Variants in PSMD13 observed in about 807,000 individuals in gnomAD.
The protein encoded by PSMD13 is proteasome 26S subunit, non-ATPase 13.
A neutral mutation model predicts 57.4 loss-of-function variants in PSMD13; 8 were observed. That is an observed-to-expected ratio of 0.14 (90% CI 0.08 to 0.25). The LOEUF (loss-of-function observed/expected upper bound fraction) is 0.25, where lower values mean the gene tolerates loss of function less well. Among genes scored for constraint, PSMD13 ranks in the 10% least tolerant of loss-of-function variants. PSMD13 has a pLI of 1.00. For synonymous variants in PSMD13, 193 were observed against 168.2 expected (o/e 1.15, Z -1.14); for missense variants, 400 against 461.5 (o/e 0.87, Z 1.22).
chr11:248,908 A>G, intron 8 of PSMD13, 24 bp from the exon 9 acceptor site: 1 of 1,614,134 alleles, frequency 6.2e-7, no homozygotes, highest in East Asian at 2.2e-5. Context: ...AAGTGTTACT[A>G]GCTGACCATC....
chr11:238,544 G>A (rs939146642), intron 1 of PSMD13, among the ~76,000 whole-genome samples: 1 of 152,158 alleles, frequency 6.6e-6, no homozygotes, highest in Non-Finnish European at 1.5e-5. Context: ...AGTGGCTCAT[G>A]CCTGTAATCC....
intron 1 of PSMD13, 87 bp downstream of exon 1, chr11:237,231 C>A: frequency 7.7e-7 from 1 of 1,302,146 alleles, no homozygotes; most frequent in Non-Finnish European, 1.1e-6. Context: ...CCTTGATGGG[C>A]TGAGGGCGCC....
chr11:241,717 A>G (rs1484240995), intron 2 of PSMD13, among the ~76,000 whole-genome samples: 2 of 152,004 alleles, frequency 1.3e-5, no homozygotes, highest in African/African-American at 4.8e-5. Flanking sequence ...TCTCTCTCAA[A>G]TTATTCATCC....
chr11:245,720 GTGTGTT>G (rs1859634115), intron 6 of PSMD13, among the ~76,000 whole-genome samples: 6 of 108,352 alleles, frequency 5.5e-5, no homozygotes, highest in South Asian at 4.7e-4. Flanking sequence ...GTTTGTGTGT[GTGTGTT>G]TGTGTGTGTG....
chr11:242,167 CTG>C (rs146229823), intron 2 of PSMD13, among the ~76,000 whole-genome samples: 4,924 of 150,184 alleles, frequency 0.033, 121 homozygotes, highest in Non-Finnish European at 0.053. Flanking sequence ...CTTAAACTCA[CTG>C]TATTGTCATT....
At position 244,316 on chromosome 11, in the gene PSMD13, G is replaced by A; in HGVS notation, c.265+100G>A. 3.2e-6 allele frequency: 5 copies of A among 1,578,834 alleles called. No homozygotes were observed. In the South Asian group the frequency reaches 4.7e-5, roughly 15 times the overall value. ...TTGTGTTTTCTGTATCAGATATTAT[G>A]TTTTTATTATACTTTATGGTCAAAA... On this transcript the variant is annotated intron_variant, in intron 4 of 12. Coordinates refer to ENST00000532097, the MANE Select transcript of PSMD13 (RefSeq NM_002817.4).
intron 6 of PSMD13, among the ~76,000 whole-genome samples, chr11:245,034 G>T (rs1019793879): frequency 6.6e-6 from 1 of 150,800 alleles, no homozygotes; most frequent in East Asian, 2.0e-4. Context: ...TCCGCCTCAC[G>T]GGTTCAAGCA....
At chr11:244,881 G>C (rs770146355) in intron 6 of PSMD13, 120 bp downstream of exon 6, 18 of 743,422 alleles carry the variant, frequency 2.4e-5, no homozygotes, top group Non-Finnish European at 3.6e-5. Context: ...TTACAGAAAA[G>C]TTGCAAAAAT....
Position 237,058 on chromosome 11 carries a change from C to T in PSMD13, c.9C>T (p.Asp3=). The change falls in exon 1 of 13, where the codon GAC becomes GAT. Residue 3 remains aspartate (D), a synonymous_variant. Coordinates refer to ENST00000532097, the MANE Select transcript of PSMD13 (RefSeq NM_002817.4). ...GGGGTCTTCCTGCTGTCATGAAGGACGTACCGGGCTTCCTACAGCAGAGCC... is the reference window on the plus strand; with the variant it reads ...GGGGTCTTCCTGCTGTCATGAAGGATGTACCGGGCTTCCTACAGCAGAGCC... MK[D]VPGFLQQSQN... The T allele has an allele frequency of 6.2e-7, 1 of 1,613,534 alleles. No individual in the cohort carries two copies. Among genetic ancestry groups the T allele is most frequent in the Non-Finnish European group, 8.5e-7 (1 of 1,179,498 alleles).
At chr11:238,599 AG>A (rs1859442067) in intron 1 of PSMD13, among the ~76,000 whole-genome samples, 1 of 152,178 alleles carries the variant, frequency 6.6e-6, no homozygotes, top group African/African-American at 2.4e-5. Flanking sequence ...TGATCCTGGG[AG>A]GCAGAGGTTG....
In PSMD13 at chr11:248,781, G is replaced by A; in HGVS notation, c.574G>A (p.Glu192Lys). Residue 192 changes from glutamate to lysine, a missense_variant, in exon 8 of 13, where the codon GAG becomes AAG. By Grantham distance (56) the Glu-to-Lys change is moderately conservative (BLOSUM62 1). Coordinates refer to ENST00000532097, the MANE Select transcript of PSMD13 (RefSeq NM_002817.4). Reference protein sequence around the residue: ...CVDIKDLPVSEQQERAFTLGL... With the variant: ...CVDIKDLPVSKQQERAFTLGL... Reference sequence around the variant, plus strand: ...GGCCTGTGTTGCTACCATAGTGTCTGAGCAGCAGGAGAGAGCCTTCACGCT... The same window carrying A: ...GGCCTGTGTTGCTACCATAGTGTCTAAGCAGCAGGAGAGAGCCTTCACGCT... 1 of 1,614,078 alleles carries A rather than the reference G, an allele frequency of 6.2e-7. No individual in the cohort carries two copies. The highest frequency in any genetic ancestry group is 8.5e-7 in the Non-Finnish European group (1 of 1,179,912).
chr11:243,280 C>A (rs1859556438), intron 2 of PSMD13: 1 of 421,978 alleles, frequency 2.4e-6, no homozygotes, highest in Non-Finnish European at 4.8e-6. Context: ...TGAGCTGGGC[C>A]CAGATTCTGC....
intron 6 of PSMD13, among the ~76,000 whole-genome samples, chr11:246,340 A>G (rs1859646689): frequency 6.6e-6 from 1 of 152,126 alleles, no homozygotes; most frequent in African/African-American, 2.4e-5. Flanking sequence ...CGTCTCTACT[A>G]AAACCACAAA....
intron 4 of PSMD13, 51 bp from the exon 5 acceptor site, chr11:244,375 T>G: frequency 6.3e-7 from 1 of 1,593,098 alleles, no homozygotes; most frequent in East Asian, 2.2e-5. Context: ...GTGTCTTGGT[T>G]AGCAGAAACC....
At chr11:248,615 A>G in intron 7 of PSMD13, 161 bp from the exon 8 acceptor site, 1 of 678,962 alleles carries the variant, frequency 1.5e-6, no homozygotes. Context: ...GGTATAATCT[A>G]AGTCAACCCA....
intron 6 of PSMD13, among the ~76,000 whole-genome samples, chr11:245,693 T>TGTGTGTG (rs1859628745): frequency 3.5e-5 from 3 of 86,830 alleles, no homozygotes; most frequent in South Asian, 3.5e-4. Flanking sequence ...TGCATGTGTG[T>TGTGTGTG]TCGTGTGTTT....
At chr11:246,800 G>A (rs1229492776) in intron 6 of PSMD13, among the ~76,000 whole-genome samples, 2 of 152,290 alleles carry the variant, frequency 1.3e-5, no homozygotes, top group East Asian at 3.9e-4. Flanking sequence ...ACAATTACTA[G>A]TGGTTTATTG....
chr11:249,312 T>C lies in PSMD13; in HGVS notation c.774+255T>C, dbSNP rs1366147732. ...ATGTGGGCCCTGCATCTACGCTGGG[T>C]GGAGGGGGTGTCACAGAAGATGTAG... On this transcript the variant is annotated intron_variant, in intron 9 of 12. Transcript: ENST00000532097. Among the ~76,000 whole-genome samples the C allele has an allele frequency of 2.0e-5, 3 of 151,670 alleles. No homozygotes were observed. In the East Asian group the frequency reaches 5.8e-4, roughly 29 times the overall value.
At chr11:248,745 G>A (rs1859706348) in intron 7 of PSMD13, 31 bp from the exon 8 acceptor site, 9 of 1,602,454 alleles carry the variant, frequency 5.6e-6, no homozygotes, top group Non-Finnish European at 7.7e-6. Flanking sequence ...ATTATGACTG[G>A]ATTGTAAGTG....
Sources: allele counts gnomAD v4.1 joint callset (sites outside exome capture counted in the v4.1 genomes callset), GRCh38; gene constraint gnomAD v4.1.1; transcripts MANE v1.5; gene names NCBI Gene and HGNC (gene_info 2026-07-23, HGNC 2026-07-21).